Variants in RHBG observed in about 807,000 individuals in gnomAD.
The protein encoded by RHBG is Rh family B glycoprotein, also known as ammonium transporter Rh type B.
In RHBG, 39 loss-of-function variants were observed where a neutral mutation model predicts 40.1. The observed-to-expected ratio is 0.97, with a 90% CI of 0.75 to 1.27. RHBG has a LOEUF of 1.27. RHBG is among the 50% of genes most tolerant of loss of function. RHBG has a pLI of 0.00. For missense variants in RHBG, 549 were observed against 588.1 expected, an observed-to-expected ratio of 0.93 and a Z score of 0.69; for synonymous variants, 237 against 252.5, an observed-to-expected ratio of 0.94 and a Z score of 0.58.
intron 1 of RHBG, among the ~76,000 whole-genome samples, chr1:156,376,510 C>T (rs995518098): frequency 2.6e-5 from 4 of 152,218 alleles, no homozygotes; most frequent in South Asian, 2.1e-4. Flanking sequence ...ATTACAGGTG[C>T]GTGCCACCAT....
intron 1 of RHBG, among the ~76,000 whole-genome samples, chr1:156,376,441 G>A (rs1389488277): frequency 6.7e-6 from 1 of 149,392 alleles, no homozygotes; most frequent in Non-Finnish European, 1.5e-5. Context: ...TTGGCTTACT[G>A]CAGCGTCTGC....
chr1:156,372,265 C>T (rs906495398), intron 1 of RHBG, among the ~76,000 whole-genome samples: 4 of 152,164 alleles, frequency 2.6e-5, no homozygotes, highest in African/African-American at 9.7e-5. Context: ...GGTCATGTGA[C>T]CTGGCCAAGT....
chr1:156,378,253 T>A lies in RHBG; in HGVS notation c.527T>A (p.Val176Glu). The change falls in exon 4 of 10, where the codon GTG becomes GAG. Residue 176 changes from valine to glutamate, a missense_variant and splice_region_variant. By Grantham distance (121) the Val-to-Glu change is moderately radical (BLOSUM62 -2). Around this residue, in one of 3 missense-constraint regions of RHBG, gnomAD observed 399 missense variants for 417.0 expected, o/e 0.96. Transcript: ENST00000537040. ...NEFVLLHLLG[V>E]RDAGGSMTIH... ...CTGCCTCTCACCCCACCTCCCCAGG[T>A]GAGAGATGCCGGAGGCTCCATGACT... The A allele has an allele frequency of 1.2e-6, 2 of 1,613,642 alleles. No individual in the cohort carries two copies. The highest frequency in any genetic ancestry group is 1.7e-6 in the Non-Finnish European group (2 of 1,179,884).
At chr1:156,383,522 C>CATCT (rs1667820193) in intron 8 of RHBG, among the ~76,000 whole-genome samples, 1 of 151,956 alleles carries the variant, frequency 6.6e-6, no homozygotes, top group Non-Finnish European at 1.5e-5. Context: ...GTGATCCGCC[C>CATCT]GCCTCGGCCT....
At position 156,377,626 on chromosome 1, in the gene RHBG, G is replaced by C. The variant is rs1667307950; in HGVS notation, c.374+139G>C. On this transcript the variant is annotated intron_variant, in intron 2 of 9. Coordinates refer to ENST00000537040, the MANE Select transcript of RHBG (RefSeq NM_020407.5). This position sits in a 1 kb window ranked among gnomAD's most constrained non-coding sequence, Gnocchi z 4.6. ...GTCACTTGGTTTCTCTAGGTGTCCT[G>C]CCTGTCCTTATTGCCTGACTTCCTC... The C allele has an allele frequency of 6.8e-6, 6 of 878,024 alleles. No homozygotes were observed. Among genetic ancestry groups the C allele is most frequent in the Non-Finnish European group, 6.8e-6 (4 of 588,080 alleles). 54.4% of individuals were successfully genotyped at this position (878,024 alleles called of 1,614,324 possible).
intron 4 of RHBG, 118 bp downstream of exon 4, chr1:156,378,517 C>T: frequency 8.1e-7 from 1 of 1,240,734 alleles, no homozygotes; most frequent in African/African-American, 1.5e-5. Flanking sequence ...GCATTCACTT[C>T]CCATTTGGAT....
At chr1:156,382,012 AG>A in intron 6 of RHBG, 55 bp from the exon 7 acceptor site, 2 of 1,607,332 alleles carry the variant, frequency 1.2e-6, no homozygotes, top group Non-Finnish European at 1.7e-6. Context: ...CCTCTCCAAC[AG>A]GATGAGGTGG....
intron 8 of RHBG, 73 bp downstream of exon 8, chr1:156,382,942 A>G (rs1453721772): frequency 1.3e-6 from 2 of 1,597,450 alleles, no homozygotes; most frequent in East Asian, 2.2e-5. Context: ...ATTCACTCAT[A>G]GATATTTATG....
chr1:156,381,583 C>G, intron 5 of RHBG, 70 bp downstream of exon 5: 2 of 1,509,370 alleles, frequency 1.3e-6, no homozygotes, highest in African/African-American at 2.8e-5. Context: ...CTGAGACCCT[C>G]AAGAAAGATT....
chr1:156,376,932 G>A (rs529590035), intron 1 of RHBG, among the ~76,000 whole-genome samples: 1 of 152,360 alleles, frequency 6.6e-6, no homozygotes, highest in South Asian at 2.1e-4. Context: ...CAGAGGAAAT[G>A]TTGAAGTCTG....
chr1:156,378,458 C>G, intron 4 of RHBG, 59 bp downstream of exon 4: 1 of 1,515,864 alleles, frequency 6.6e-7, no homozygotes, highest in Non-Finnish European at 8.8e-7. Flanking sequence ...CTCATCTGGG[C>G]CAGAGGTGAC....
chr1:156,382,145 G>A lies in RHBG; in HGVS notation c.1056G>A (p.Gly352=). 1 of 1,614,094 alleles carries A rather than the reference G, an allele frequency of 6.2e-7. No individual in the cohort carries two copies. Among genetic ancestry groups the A allele is most frequent in the Non-Finnish European group, 8.5e-7 (1 of 1,179,994 alleles). The change falls in exon 7 of 10, where the codon GGG becomes GGA. Residue 352 remains glycine, a synonymous_variant. Coordinates refer to ENST00000537040, the MANE Select transcript of RHBG (RefSeq NM_020407.5). ...TCCATGGGATGCCGGGGGTCCTGGG[G>A]GCCCTCCTGGGGGTCCTTGTGGCTG... ...HNLHGMPGVL[G]ALLGVLVAGL... is the part of the protein sequence containing the mutation.
rs752389327 is a variant in RHBG at position 156,384,837 on chromosome 1, C to G, written c.1369C>G (p.Gln457Glu). The stretch of plus-strand genomic sequence containing the variant: ...TCTGAGGGTGGAGGAGGCAGACACT[C>G]AGGCCTAACCCACTGCCAGCCCCTG... ...RPLRVEEADT[Q>E]A Residue 457 changes from glutamine to glutamate, a missense_variant, in exon 10 of 10, where the codon CAG becomes GAG. Physicochemically the swap from Gln to Glu is conservative, Grantham distance 29 (BLOSUM62 2). This residue lies in a region of RHBG where 399 missense variants were observed against 417.0 expected (regional missense o/e 0.96). Coordinates refer to ENST00000537040, the MANE Select transcript of RHBG (RefSeq NM_020407.5). The G allele has an allele frequency of 6.2e-7, 1 of 1,610,084 alleles. No individual in the cohort carries two copies. The highest frequency in any genetic ancestry group is 8.5e-7 in the Non-Finnish European group (1 of 1,176,878).
chr1:156,383,631 G>A (rs559922776), intron 8 of RHBG, among the ~76,000 whole-genome samples: 9 of 151,730 alleles, frequency 5.9e-5, no homozygotes, highest in East Asian at 3.9e-4. Flanking sequence ...GCATGTTAAC[G>A]TCTGCAAAGC....
At chr1:156,370,089 G>C (rs1254389599) in intron 1 of RHBG, among the ~76,000 whole-genome samples, 5 of 152,106 alleles carry the variant, frequency 3.3e-5, no homozygotes, top group Non-Finnish European at 7.4e-5. Flanking sequence ...GAGGCAGGCG[G>C]TTCACCTGAG....
chr1:156,371,241 C>T (rs777165584), intron 1 of RHBG: 5 of 376,732 alleles, frequency 1.3e-5, no homozygotes, highest in African/African-American at 9.0e-5. Context: ...CTCACTGCAA[C>T]CTTCACCTCC....
Position 156,369,329 on chromosome 1 carries a change from C to T in RHBG, c.80C>T (p.Ala27Val), listed in dbSNP as rs1666681814. ...TGCCTCTTCCTCCAGGGCGCCACTG[C>T]CGTCCTCTTTGCTGTCTTTGTCCGC... ...LLCLFLQGAT[A>V]VLFAVFVRYN... Residue 27 changes from alanine (A) to valine (V), a missense_variant, in exon 1 of 10, where the codon GCC becomes GTC. Transcript: ENST00000537040. 1 of 1,614,222 alleles carries T rather than the reference C, an allele frequency of 6.2e-7. No individual in the cohort carries two copies. The highest frequency in any genetic ancestry group is 8.5e-7 in the Non-Finnish European group (1 of 1,180,034).
intron 1 of RHBG, among the ~76,000 whole-genome samples, chr1:156,373,441 G>A (rs1337393105): frequency 1.8e-5 from 2 of 110,770 alleles, no homozygotes; most frequent in African/African-American, 3.3e-5. Flanking sequence ...ATAAAAAAGT[G>A]TATGGATTTG....
chr1:156,383,257 T>C (rs1667796958), intron 8 of RHBG, among the ~76,000 whole-genome samples: 1 of 151,918 alleles, frequency 6.6e-6, no homozygotes, highest in South Asian at 2.1e-4. Flanking sequence ...TGCGAAAACC[T>C]TCCACAGAGG....
Sources: allele counts gnomAD v4.1 joint callset (sites outside exome capture counted in the v4.1 genomes callset), GRCh38; gene constraint gnomAD v4.1.1; regional missense constraint gnomAD v4.1.1; non-coding constraint Gnocchi (gnomAD v3.1); transcripts MANE v1.5; gene names NCBI Gene and HGNC (gene_info 2026-07-23, HGNC 2026-07-21).